VIRMA: variants seen among roughly 807,000 people sequenced by gnomAD.
VIRMA encodes vir like m6A methyltransferase associated, also known as protein virilizer homolog.
Under a neutral mutation model 182.4 loss-of-function variants are expected in VIRMA, and 65 were observed. The observed-to-expected ratio is 0.36, with a 90% CI of 0.29 to 0.44. VIRMA has a LOEUF of 0.44. Ranked by LOEUF, VIRMA falls within the 20% of genes least tolerant of loss-of-function variation. The pLI is 1.00. For missense variants in VIRMA, 1,752 were observed against 2,158.1 expected (o/e 0.81, Z 3.73); for synonymous variants, 709 against 743.1 (o/e 0.95, Z 0.75).
Position 94,529,164 on chromosome 8 carries a change from A to G in VIRMA, c.786T>C (p.Asp262=), listed in dbSNP as rs997380069. The G allele has an allele frequency of 4.9e-6, 7 of 1,416,140 alleles. No homozygotes were observed. The highest frequency in any genetic ancestry group is 7.0e-6 in the Non-Finnish European group (7 of 1,000,598). 87.7% of individuals were successfully genotyped at this position (1,416,140 alleles called of 1,614,324 possible). ...EDDVDVEEEE[D]EDEDDRRTVD... ...CTGTTCGTCGATCATCCTCATCCTCATCCTCTTCTTCCTCTACATCCACAT... is the reference window on the plus strand; with the variant it reads ...CTGTTCGTCGATCATCCTCATCCTCGTCCTCTTCTTCCTCTACATCCACAT... The change falls in exon 7 of 24, where the codon GAT becomes GAC. Residue 262 remains aspartate (D), a synonymous_variant. Coordinates refer to ENST00000297591, the MANE Select transcript of VIRMA (RefSeq NM_015496.5).
intron 8 of VIRMA, among the ~76,000 whole-genome samples, chr8:94,523,520 C>T (rs1814845924): frequency 6.6e-6 from 1 of 152,142 alleles, no homozygotes; most frequent in Non-Finnish European, 1.5e-5. Context: ...AGCAATCCTC[C>T]CACCTCAGCC....
intron 11 of VIRMA, 90 bp downstream of exon 11, chr8:94,514,779 A>G: frequency 1.5e-6 from 1 of 683,710 alleles, no homozygotes; most frequent in Non-Finnish European, 2.6e-6. Flanking sequence ...AACAATGTCT[A>G]CATTATCTAC....
At chr8:94,490,125 T>C (rs765783285) in intron 22 of VIRMA, 43 bp from the exon 23 acceptor site, 1 of 1,563,072 alleles carries the variant, frequency 6.4e-7, no homozygotes, top group East Asian at 2.2e-5. Flanking sequence ...TTTCACAACT[T>C]CAGTTGGATT....
Position 94,526,072 on chromosome 8 carries a change from TCA to T in VIRMA, c.2021+149_2021+150del, listed in dbSNP as rs1350995607. 4.8e-6 allele frequency: 3 copies of T among 630,008 alleles called. No homozygotes were observed. The East Asian group carries it at 8.3e-5, about 18-fold the overall frequency. 39.0% of individuals were successfully genotyped at this position (630,008 alleles called of 1,614,324 possible). ...AAGCTCACCCACAGTAACATACTTC[TCA>T]GTTCCACTACTAAATAACCGTTTTG... On this transcript the variant is annotated intron_variant, in intron 8 of 23. Coordinates refer to ENST00000297591, the MANE Select transcript of VIRMA (RefSeq NM_015496.5).
intron 9 of VIRMA, among the ~76,000 whole-genome samples, chr8:94,518,651 T>C (rs972488871): frequency 3.3e-5 from 5 of 152,192 alleles, no homozygotes; most frequent in African/African-American, 1.2e-4. Context: ...AGCAAGAAAG[T>C]GTAAGAGGAA....
Position 94,527,116 on chromosome 8 carries a change from T to G in VIRMA, c.1128A>C (p.Ser376=), listed in dbSNP as rs754690271. 6.2e-7 allele frequency: 1 copy of G among 1,614,224 alleles called. No homozygotes were observed. Among genetic ancestry groups the G allele is most frequent in the East Asian group, 2.2e-5 (1 of 44,884 alleles). ...ACTTCACTGAGGCTTCGATTGCCCC[T>G]GAATTTTCTTTATCTGGACCTTGAT... ...MKDQGPDKEN[S]GAIEASVKLT... Residue 376 remains serine (S), a synonymous_variant, in exon 8 of 24, where the codon TCA becomes TCC. Coordinates refer to ENST00000297591, the MANE Select transcript of VIRMA (RefSeq NM_015496.5).
intron 10 of VIRMA, 72 bp from the exon 11 acceptor site, chr8:94,515,023 C>T: frequency 1.3e-6 from 1 of 753,124 alleles, no homozygotes; most frequent in East Asian, 2.9e-5. Context: ...ATATTTTTTC[C>T]AAAGAAAATC....
At position 94,510,415 on chromosome 8, in the gene VIRMA, A is replaced by C. The variant is rs1232794773; in HGVS notation, c.3626+2T>G. 1 of 1,604,200 alleles carries C rather than the reference A, an allele frequency of 6.2e-7. No individual in the cohort carries two copies. The highest frequency in any genetic ancestry group is 8.5e-7 in the Non-Finnish European group (1 of 1,173,092). On this transcript the variant is annotated splice_donor_variant, in intron 14 of 23. Coordinates refer to ENST00000297591, the MANE Select transcript of VIRMA (RefSeq NM_015496.5). LOFTEE classifies it high-confidence loss of function. ...AAAATTTTTAATGCAAAATGAAAAT[A>C]CCTTTGCAAGTCTTCTACAATCAAA...
At chr8:94,508,582 T>G (rs1241962165) in intron 15 of VIRMA, among the ~76,000 whole-genome samples, 1 of 152,014 alleles carries the variant, frequency 6.6e-6, no homozygotes, top group Non-Finnish European at 1.5e-5. Flanking sequence ...CTATTCAATG[T>G]AGTCATGCAA....
chr8:94,540,503 C>T (rs112411433), intron 2 of VIRMA, among the ~76,000 whole-genome samples: 5,700 of 131,024 alleles, frequency 0.044, 122 homozygotes, highest in Middle Eastern at 0.077. Context: ...TTGCTCTTGT[C>T]GCCCAGGCTG....
In VIRMA at chr8:94,541,680, T is replaced by G. The variant is rs150381776; in HGVS notation, c.179+2147A>C. ...CCTCAGCCTCCTGAGTAGCTGGGAT[T>G]ACAGGTGTGCACCACCACAGCTGGC... On this transcript the variant is annotated intron_variant, in intron 2 of 23. Coordinates refer to ENST00000297591, the MANE Select transcript of VIRMA (RefSeq NM_015496.5). 3.4e-3 allele frequency among the ~76,000 whole-genome samples: 511 copies of G among 152,218 alleles called. 1 individual carries two copies. Among genetic ancestry groups the G allele is most frequent in the African/African-American group, 0.012 (494 of 41,528 alleles).
chr8:94,510,869 T>C, intron 13 of VIRMA: 1 of 870,186 alleles, frequency 1.1e-6, no homozygotes, highest in Non-Finnish European at 1.7e-6. Flanking sequence ...AGTCCATTGG[T>C]GAAGCAATCT....
In VIRMA at chr8:94,511,670, T is replaced by C. The variant is rs972966423; in HGVS notation, c.2905A>G (p.Met969Val). 2 of 1,614,038 alleles carry C rather than the reference T, an allele frequency of 1.2e-6. No homozygotes were observed. The highest frequency in any genetic ancestry group is 1.7e-4 in the Middle Eastern group (1 of 6,056). Residue 969 changes from methionine to valine, a missense_variant, in exon 13 of 24, where the codon ATG becomes GTG. Transcript: ENST00000297591. ...TGCAGAACTCGAATAAACGTGTCCA[T>C]TCCTTCAGCAGAAAAAAGCTGAATA... ...AVIQLFSAEG[M>V]DTFIRVLQKL... is the part of the protein sequence containing the mutation.
intron 1 of VIRMA, among the ~76,000 whole-genome samples, chr8:94,549,198 T>C (rs367558495): frequency 3.9e-5 from 6 of 152,356 alleles, no homozygotes; most frequent in African/African-American, 1.4e-4. Context: ...GTATCAATTG[T>C]TTATGTGGAG....
In VIRMA at chr8:94,487,720, C is replaced by A. The variant is rs534006528; in HGVS notation, c.*986G>T. On this transcript the variant is annotated 3_prime_UTR_variant, in exon 24 of 24. Coordinates refer to ENST00000297591, the MANE Select transcript of VIRMA (RefSeq NM_015496.5). Reference sequence around the variant, plus strand: ...GATTAAGATAACTCTGTATTTTACGCCACTTATATAGACTCAGTGTGTTAA... The same window carrying A: ...GATTAAGATAACTCTGTATTTTACGACACTTATATAGACTCAGTGTGTTAA... 4.6e-5 allele frequency: 7 copies of A among 152,256 alleles called. No homozygotes were observed. Among genetic ancestry groups the A allele is most frequent in the Admixed American group, 1.3e-4 (2 of 15,292 alleles). 9.4% of individuals were successfully genotyped at this position (152,256 alleles called of 1,614,324 possible).
intron 2 of VIRMA, among the ~76,000 whole-genome samples, chr8:94,543,401 C>CA (rs1162030319): frequency 0.15 from 6,468 of 42,014 alleles, 543 homozygotes; most frequent in Non-Finnish European, 0.2. Context: ...AACTCCATCT[C>CA]AAAAAAAAAA....
At chr8:94,502,776 T>A (rs2099788) in intron 16 of VIRMA, among the ~76,000 whole-genome samples, 82,175 of 151,404 alleles carry the variant, frequency 0.54, 23,203 homozygotes, top group East Asian at 0.81. Flanking sequence ...ACTTAAAAAA[T>A]TTTTTTTTAA....
chr8:94,537,105 T>C lies in VIRMA; in HGVS notation c.313A>G (p.Lys105Glu). The C allele has an allele frequency of 1.3e-6, 2 of 1,598,690 alleles. No homozygotes were observed. Among genetic ancestry groups the C allele is most frequent in the Non-Finnish European group, 1.7e-6 (2 of 1,166,090 alleles). ...NTSIIFRPNSKVNTDGLVLRG... is the reference protein window; with the variant it reads ...NTSIIFRPNSEVNTDGLVLRG... ...TGAAAACTGACTTCCAGAATTACCT[T>C]TGAGTTAGGTCTAAAGATGATGGAA... The change falls in exon 4 of 24, where the codon AAG (lysine) becomes GAG (glutamate). Residue 105 changes from lysine to glutamate, a missense_variant and splice_region_variant. This residue lies in a region of VIRMA where 195 missense variants were observed against 191.7 expected (regional missense o/e 1.02). Coordinates refer to ENST00000297591, the MANE Select transcript of VIRMA (RefSeq NM_015496.5).
chr8:94,515,228 C>G (rs1814520720), intron 10 of VIRMA, among the ~76,000 whole-genome samples: 1 of 151,916 alleles, frequency 6.6e-6, no homozygotes, highest in Admixed American at 6.6e-5. Flanking sequence ...TCCCGAGTAG[C>G]TGGGATTACA....
Sources: gnomAD v4.1 joint callset for allele counts (sites outside exome capture counted in the v4.1 genomes callset) on GRCh38, gnomAD v4.1.1 for gene constraint, gnomAD v4.1.1 regional missense constraint, MANE v1.5 for transcripts, NCBI Gene and HGNC (gene_info 2026-07-23, HGNC 2026-07-21) for gene names.